SMARCAD1: variants seen among roughly 807,000 people sequenced by gnomAD.
SMARCAD1 encodes the protein SNF2 related chromatin remodeling ATPase with DExD box 1, also known as SWI/SNF-related matrix-associated actin-dependent regulator of chromatin subfamily A containing DEAD/H box 1.
In SMARCAD1, 25 loss-of-function variants were observed where a neutral mutation model predicts 127.1. That is an observed-to-expected ratio of 0.20 (90% CI 0.14 to 0.27). SMARCAD1 has a LOEUF of 0.27. Among genes scored for constraint, SMARCAD1 ranks in the 10% least tolerant of loss-of-function variants. SMARCAD1 has a pLI of 1.00. For synonymous variants in SMARCAD1, 400 were observed against 396.9 expected, an observed-to-expected ratio of 1.01 and a Z score of -0.09; for missense variants, 807 against 1,206.0, an observed-to-expected ratio of 0.67 and a Z score of 4.90.
chr4:94,256,912 T>G (rs1270573189), intron 9 of SMARCAD1, among the ~76,000 whole-genome samples: 2 of 152,210 alleles, frequency 1.3e-5, no homozygotes, highest in African/African-American at 2.4e-5. Context: ...AAGCTTGGGA[T>G]TCTGTCCTCA....
At chr4:94,241,524 C>T (rs1010382352) in intron 6 of SMARCAD1, among the ~76,000 whole-genome samples, 2 of 152,160 alleles carry the variant, frequency 1.3e-5, no homozygotes. Flanking sequence ...TTCTGAGGTA[C>T]TGGGCATTAG....
intron 6 of SMARCAD1, among the ~76,000 whole-genome samples, chr4:94,244,791 C>G (rs1429796266): frequency 6.6e-6 from 1 of 151,510 alleles, no homozygotes; most frequent in Admixed American, 6.6e-5. Context: ...AAAATTCTTA[C>G]AGTGTATCAA....
Position 94,208,393 on chromosome 4 carries a change from A to G in SMARCAD1, c.-2A>G, listed in dbSNP as rs1741604681. ...CCCTGCAAGGTGGTGCTTTCTACCA[A>G]TATGAATCTTTTCAACCTGGACCGT... On this transcript the variant is annotated 5_prime_UTR_variant, in exon 2 of 24. Transcript: ENST00000354268. 1.2e-6 allele frequency: 2 copies of G among 1,614,024 alleles called. No homozygotes were observed. Among genetic ancestry groups the G allele is most frequent in the Non-Finnish European group, 8.5e-7 (1 of 1,180,010 alleles).
At chr4:94,220,673 T>C (rs539615574) in intron 2 of SMARCAD1, among the ~76,000 whole-genome samples, 6 of 152,354 alleles carry the variant, frequency 3.9e-5, no homozygotes, top group Admixed American at 6.5e-5. Context: ...TTTCACGATA[T>C]TGATATTTGC....
chr4:94,243,744 G>T (rs1319181130), intron 6 of SMARCAD1, among the ~76,000 whole-genome samples: 3 of 152,146 alleles, frequency 2.0e-5, no homozygotes, highest in African/African-American at 7.2e-5. Context: ...CACGTTTCCA[G>T]TATCCACTGG....
At chr4:94,218,017 C>T (rs1042115899) in intron 2 of SMARCAD1, among the ~76,000 whole-genome samples, 4 of 152,116 alleles carry the variant, frequency 2.6e-5, no homozygotes, top group African/African-American at 7.2e-5. Context: ...CACTGTTCTA[C>T]ATCTTGTTTA....
chr4:94,264,935 A>G, intron 10 of SMARCAD1, 29 bp downstream of exon 10: 1 of 1,571,300 alleles, frequency 6.4e-7, no homozygotes, highest in Non-Finnish European at 8.7e-7. Flanking sequence ...ATTTATTCGT[A>G]TTTTATCTCA....
chr4:94,220,382 G>A (rs1743922429), intron 2 of SMARCAD1, among the ~76,000 whole-genome samples: 2 of 152,006 alleles, frequency 1.3e-5, no homozygotes, highest in Non-Finnish European at 2.9e-5. Context: ...CTAGTAGCTG[G>A]GACTACAGGC....
chr4:94,253,452 G>T, intron 9 of SMARCAD1: 1 of 1,185,386 alleles, frequency 8.4e-7, no homozygotes, highest in African/African-American at 1.6e-5. Flanking sequence ...GATTCAAAAT[G>T]CCAGCCTAAG....
intron 10 of SMARCAD1, among the ~76,000 whole-genome samples, chr4:94,267,555 C>A (rs1242645887): frequency 6.6e-6 from 1 of 152,086 alleles, no homozygotes; most frequent in East Asian, 1.9e-4. Context: ...ACTAGTTTCT[C>A]TGGCAGATTT....
chr4:94,245,774 CTGA>C (rs1560535303), intron 6 of SMARCAD1, among the ~76,000 whole-genome samples: 1 of 152,166 alleles, frequency 6.6e-6, no homozygotes, highest in African/African-American at 2.4e-5. Context: ...TTATATGTCA[CTGA>C]TGAAGTTTTT....
In SMARCAD1 at chr4:94,282,111, T is replaced by TG. The variant is rs1462867494; in HGVS notation, c.2726+521_2726+522insG. Among the ~76,000 whole-genome samples, 76 of 90,832 alleles carry TG rather than the reference T, an allele frequency of 8.4e-4. 3 individuals carry two copies. Among genetic ancestry groups the TG allele is most frequent in the Admixed American group, 2.6e-3 (25 of 9,488 alleles). 59.6% of individuals were successfully genotyped at this position (90,832 alleles called of 152,430 possible). On this transcript the variant is annotated intron_variant, in intron 21 of 23. Transcript: ENST00000354268. Reference sequence around the variant, plus strand: ...AAATACGTTTTTTTGTTTTTTTTTTTTTTTTTGAGACGGAGTCTCGCTCTG... The same window carrying TG: ...AAATACGTTTTTTTGTTTTTTTTTTTGTTTTTTGAGACGGAGTCTCGCTCTG...
At chr4:94,283,366 A>G (rs1197021204) in intron 22 of SMARCAD1, 63 bp downstream of exon 22, 5 of 1,511,810 alleles carry the variant, frequency 3.3e-6, no homozygotes, top group Non-Finnish European at 4.6e-6. Flanking sequence ...GTAGACCATT[A>G]GAATATAGTG....
rs754868411 is a variant in SMARCAD1, at chr4:94,249,662, A to G, written c.714A>G (p.Glu238=). Residue 238 remains glutamate (E), a synonymous_variant, in exon 7 of 24, where the codon GAA becomes GAG. Transcript: ENST00000354268. ...IKKTRLDHGE[E]SNESAESSSN... ...TTTTTTCTCCCCATTAGGGAGAGGA[A>G]TCAAATGAGTCTGCAGAATCTAGCA... 1 of 1,581,156 alleles carries G rather than the reference A, an allele frequency of 6.3e-7. No homozygotes were observed. Among genetic ancestry groups the G allele is most frequent in the Non-Finnish European group, 8.7e-7 (1 of 1,150,428 alleles).
In SMARCAD1 at chr4:94,212,156, T is replaced by C. The variant is rs997275098; in HGVS notation, c.190+3572T>C. Among the ~76,000 whole-genome samples, 7 of 152,162 alleles carry C rather than the reference T, an allele frequency of 4.6e-5. No individual in the cohort carries two copies. The South Asian group carries it at 6.2e-4, about 14-fold the overall frequency. On this transcript the variant is annotated intron_variant, in intron 2 of 23. Transcript: ENST00000354268. ...TGATGAGTGGGCATTATTAGTACTT[T>C]ATACATTTTTTAAAATTTATTTATT...
chr4:94,256,265 G>T (rs1750059064), intron 9 of SMARCAD1, among the ~76,000 whole-genome samples: 2 of 148,496 alleles, frequency 1.3e-5, no homozygotes, highest in African/African-American at 5.0e-5. Flanking sequence ...GTTTTCCTTG[G>T]CTGATAACCA....
At chr4:94,243,522 A>T (rs576017795) in intron 6 of SMARCAD1, among the ~76,000 whole-genome samples, 1 of 152,312 alleles carries the variant, frequency 6.6e-6, no homozygotes, top group South Asian at 2.1e-4. Flanking sequence ...TTCTGCTTTT[A>T]TCAGGATTTA....
At chr4:94,252,192 G>T (rs1749384601) in intron 8 of SMARCAD1, among the ~76,000 whole-genome samples, 1 of 152,168 alleles carries the variant, frequency 6.6e-6, no homozygotes, top group African/African-American at 2.4e-5. Context: ...TTAGAATATT[G>T]AAGATAGTAT....
chr4:94,287,220 T>TG (rs1476020451), intron 23 of SMARCAD1, among the ~76,000 whole-genome samples: 3 of 152,322 alleles, frequency 2.0e-5, no homozygotes, highest in Admixed American at 2.0e-4. Flanking sequence ...AAGGATGTAA[T>TG]GGCGTCTCTT....
Sources: allele counts gnomAD v4.1 joint callset (sites outside exome capture counted in the v4.1 genomes callset), GRCh38; gene constraint gnomAD v4.1.1; transcripts MANE v1.5; gene names NCBI Gene and HGNC (gene_info 2026-07-23, HGNC 2026-07-21).